The following NDOR1 variants were observed in gnomAD, a reference collection of about 807,000 sequenced individuals.
The protein encoded by NDOR1 is NADPH-dependent diflavin oxidoreductase 1.
Under a neutral mutation model 67.2 loss-of-function variants are expected in NDOR1, and 61 were observed. The ratio of observed to expected loss-of-function variants is 0.91; its 90% CI spans 0.74 to 1.12. NDOR1 has a LOEUF of 1.12. Among genes scored for constraint, NDOR1 ranks in the 50% most tolerant of loss-of-function variants. The pLI, the probability that NDOR1 is intolerant of heterozygous loss-of-function variation, is 0.00. For synonymous variants in NDOR1, 378 were observed against 343.7 expected, an observed-to-expected ratio of 1.10 and a Z score of -1.10; for missense variants, 878 against 802.8, an observed-to-expected ratio of 1.09 and a Z score of -1.13.
intron 2 of NDOR1, among the ~76,000 whole-genome samples, chr9:137,207,562 G>C (rs1229236772): frequency 6.6e-6 from 1 of 152,130 alleles, no homozygotes; most frequent in Admixed American, 6.5e-5. Context: ...AGGACAGGCT[G>C]CCCAGAACGT....
chr9:137,213,790 G>C lies in NDOR1; in HGVS notation c.322G>C (p.Val108Leu). ...TCACTGTCTCCACAGGTTCAACTTC[G>C]TGGCCAAGAAGCTGCACCGACGGCT... Reference protein sequence around the residue: ...GDSSYAKFNFVAKKLHRRLLQ... With the variant: ...GDSSYAKFNFLAKKLHRRLLQ... Residue 108 changes from valine (V) to leucine (L), a missense_variant, in exon 4 of 14, where the codon GTG becomes CTG. Coordinates refer to ENST00000684003, the MANE Select transcript of NDOR1 (RefSeq NM_014434.4). 6.2e-7 allele frequency: 1 copy of C among 1,612,566 alleles called. No homozygotes were observed. Among genetic ancestry groups the C allele is most frequent in the Non-Finnish European group, 8.5e-7 (1 of 1,179,572 alleles).
At chr9:137,208,525 A>G (rs1319620475) in intron 2 of NDOR1, among the ~76,000 whole-genome samples, 1 of 151,804 alleles carries the variant, frequency 6.6e-6, no homozygotes, top group East Asian at 2.0e-4. Context: ...CTAAAGAGTT[A>G]AAAAGAAGGA....
In NDOR1 at chr9:137,218,003, G is replaced by T. The variant is rs897400563; in HGVS notation, c.*1587G>T. The T allele has an allele frequency of 1.0e-5, 4 of 399,030 alleles. No individual in the cohort carries two copies. The Admixed American group carries it at 1.8e-4, about 18-fold the overall frequency. 24.7% of individuals were successfully genotyped at this position (399,030 alleles called of 1,614,324 possible). A position where few individuals can be genotyped will look rare whatever the true frequency, so the allele number is the denominator to read the frequency against. On this transcript the variant is annotated 3_prime_UTR_variant, in exon 14 of 14. Coordinates refer to ENST00000684003, the MANE Select transcript of NDOR1 (RefSeq NM_014434.4). The stretch of plus-strand genomic sequence containing the variant: ...CCTGCTGGGGGCCAAAGCCATGGAG[G>T]GTGCCTGGGCCCTTCCAACCTGGAA...
At position 137,217,791 on chromosome 9, in the gene NDOR1, G is replaced by A; in HGVS notation, c.*1375G>A. 1 of 395,940 alleles carries A rather than the reference G, an allele frequency of 2.5e-6. No homozygotes were observed. The highest frequency in any genetic ancestry group is 4.4e-6 in the Non-Finnish European group (1 of 225,008). 24.5% of individuals were successfully genotyped at this position (395,940 alleles called of 1,614,324 possible). On this transcript the variant is annotated 3_prime_UTR_variant, in exon 14 of 14. Coordinates refer to ENST00000684003, the MANE Select transcript of NDOR1 (RefSeq NM_014434.4). ...TCCTCCTATCCTGACTCCTGCCCCAGGGCCACCACCCCTGAACTGTGCCCT... is the reference window on the plus strand; with the variant it reads ...TCCTCCTATCCTGACTCCTGCCCCAAGGCCACCACCCCTGAACTGTGCCCT...
chr9:137,218,308 C>T lies in NDOR1; in HGVS notation c.*1892C>T. 2.5e-6 allele frequency: 1 copy of T among 398,338 alleles called. No individual in the cohort carries two copies. The highest frequency in any genetic ancestry group is 4.4e-6 in the Non-Finnish European group (1 of 225,830). 24.7% of individuals were successfully genotyped at this position (398,338 alleles called of 1,614,324 possible). On this transcript the variant is annotated 3_prime_UTR_variant, in exon 14 of 14. Coordinates refer to ENST00000684003, the MANE Select transcript of NDOR1 (RefSeq NM_014434.4). ...CCGACGGGCCCTCACGCCAGCCCCG[C>T]CGAGAGGCCCCTGCATCCTATCACC...
Position 137,216,002 on chromosome 9 carries a change from C to CT in NDOR1, c.1541dup (p.Ser515LeufsTer137), listed in dbSNP as rs1311891943. On this transcript the variant is annotated frameshift_variant, in exon 12 of 14. Coordinates refer to ENST00000684003, the MANE Select transcript of NDOR1 (RefSeq NM_014434.4). LOFTEE classifies it high-confidence loss of function. Reference sequence around the variant, plus strand: ...GGGACTGTCTGACCCTCATCCCTGCCTTCTCCCGGGAACAGGTGTGTATGC... The same window carrying CT: ...GGGACTGTCTGACCCTCATCCCTGCCTTTCTCCCGGGAACAGGTGTGTATGC... 6.2e-7 allele frequency: 1 copy of CT among 1,613,398 alleles called. No individual in the cohort carries two copies. The highest frequency in any genetic ancestry group is 8.5e-7 in the Non-Finnish European group (1 of 1,180,030).
At position 137,218,068 on chromosome 9, in the gene NDOR1, G is replaced by A. The variant is rs758750758; in HGVS notation, c.*1652G>A. 2 of 399,326 alleles carry A rather than the reference G, an allele frequency of 5.0e-6. No homozygotes were observed. Among genetic ancestry groups the A allele is most frequent in the African/African-American group, 2.1e-5 (1 of 48,670 alleles). 24.7% of individuals were successfully genotyped at this position (399,326 alleles called of 1,614,324 possible). A position where few individuals can be genotyped will look rare whatever the true frequency, so the allele number is the denominator to read the frequency against. ...AGCAGGCAGCAGGGCAGGGGGAAGA[G>A]GAGGAGTGCCCGATCTGCACAGAGC... On this transcript the variant is annotated 3_prime_UTR_variant, in exon 14 of 14. Transcript: ENST00000684003.
chr9:137,206,648 A>G (rs988840977), intron 2 of NDOR1, among the ~76,000 whole-genome samples: 1 of 152,278 alleles, frequency 6.6e-6, no homozygotes, highest in South Asian at 2.1e-4. Flanking sequence ...CACATATTCT[A>G]TTCTTGGCAC....
At chr9:137,214,121 G>C in intron 5 of NDOR1, 53 bp downstream of exon 5, 5 of 1,530,114 alleles carry the variant, frequency 3.3e-6, no homozygotes, top group Non-Finnish European at 4.4e-6. Flanking sequence ...ACCTGGCCTG[G>C]GGACCTCGCC....
In NDOR1 at chr9:137,212,920, A is replaced by G; in HGVS notation, c.311+321A>G. ...TTGACGACTTTGAGCCTGGAGGAGG[A>G]CCCCGTATGCTCCTGCCACCCCAGA... On this transcript the variant is annotated intron_variant, in intron 3 of 13. Coordinates refer to ENST00000684003, the MANE Select transcript of NDOR1 (RefSeq NM_014434.4). This position sits in a 1 kb window ranked among gnomAD's most constrained non-coding sequence, Gnocchi z 4.3. 3.0e-6 allele frequency: 1 copy of G among 336,038 alleles called. No individual in the cohort carries two copies. The highest frequency in any genetic ancestry group is 3.6e-5 in the South Asian group (1 of 27,564). The allele number at this position is 336,038 out of a possible 1,614,324, so 20.8% of individuals were successfully genotyped here.
rs200107927 is a variant in NDOR1, at chr9:137,216,423, C to A, written c.*7C>A. The A allele has an allele frequency of 5.0e-6, 8 of 1,596,444 alleles. No individual in the cohort carries two copies. The African/African-American group carries it at 6.7e-5, about 13-fold the overall frequency. ...GACAGAGACGTGGGCCTGAGGCCCG[C>A]GGCTGCCCGTGCCCCCTCTGACAGC... On this transcript the variant is annotated 3_prime_UTR_variant, in exon 14 of 14. Transcript: ENST00000684003.
rs1264762100 is a variant in NDOR1 at position 137,218,263 on chromosome 9, A to G, written c.*1847A>G. The G allele has an allele frequency of 5.0e-6, 2 of 398,148 alleles. No individual in the cohort carries two copies. Among genetic ancestry groups the G allele is most frequent in the Non-Finnish European group, 8.9e-6 (2 of 225,826 alleles). 24.7% of individuals were successfully genotyped at this position (398,148 alleles called of 1,614,324 possible). On this transcript the variant is annotated 3_prime_UTR_variant, in exon 14 of 14. Coordinates refer to ENST00000684003, the MANE Select transcript of NDOR1 (RefSeq NM_014434.4). ...TGCTGGAATGGGAGATCTGCCGGCT[A>G]CAGGAGGAGCTGCTACAGGCCGACG...
Position 137,215,975 on chromosome 9 carries a change from GC to G in NDOR1, c.1513del (p.Arg505GlyfsTer4). On this transcript the variant is annotated frameshift_variant, in exon 12 of 14. Transcript: ENST00000684003. LOFTEE classifies it high-confidence loss of function. ...WEAEWQELEK[R>X]DCLTLIPAFS... Reference sequence around the variant, plus strand: ...AGGCTGAGTGGCAGGAGCTGGAGAAGCGGGACTGTCTGACCCTCATCCCTGC... The same window carrying G: ...AGGCTGAGTGGCAGGAGCTGGAGAAGGGGACTGTCTGACCCTCATCCCTGC... 1 of 1,613,398 alleles carries G rather than the reference GC, an allele frequency of 6.2e-7. No homozygotes were observed. The highest frequency in any genetic ancestry group is 8.5e-7 in the Non-Finnish European group (1 of 1,180,000).
At chr9:137,206,922 G>A (rs998321099) in intron 2 of NDOR1, among the ~76,000 whole-genome samples, 1 of 152,184 alleles carries the variant, frequency 6.6e-6, no homozygotes, top group African/African-American at 2.4e-5. Context: ...AGGCACCGAG[G>A]AAGAAGGAGC....
intron 2 of NDOR1, among the ~76,000 whole-genome samples, chr9:137,210,218 C>A (rs139345628): frequency 6.6e-6 from 1 of 151,712 alleles, no homozygotes; most frequent in Non-Finnish European, 1.5e-5. Flanking sequence ...TTTTCTCTTT[C>A]TCTTTTTCTT....
rs201387449 is a variant in NDOR1, at chr9:137,212,648, A to G, written c.311+49A>G. On this transcript the variant is annotated intron_variant, in intron 3 of 13. Transcript: ENST00000684003. The surrounding 1 kb of genome is among the most constrained non-coding windows in gnomAD (Gnocchi z 4.3). ...GCGGACGGAACAGTTCTGGGGGTCGAGCAACAGGTGTGCTGGCAGAGGACC... is the reference window on the plus strand; with the variant it reads ...GCGGACGGAACAGTTCTGGGGGTCGGGCAACAGGTGTGCTGGCAGAGGACC... 6.5e-7 allele frequency: 1 copy of G among 1,538,184 alleles called. No individual in the cohort carries two copies. Among genetic ancestry groups the G allele is most frequent in the East Asian group, 2.3e-5 (1 of 44,428 alleles).
Position 137,212,915 on chromosome 9 carries a change from G to A in NDOR1, c.311+316G>A, listed in dbSNP as rs1054225479. ...AAGTGTTGACGACTTTGAGCCTGGA[G>A]GAGGACCCCGTATGCTCCTGCCACC... On this transcript the variant is annotated intron_variant, in intron 3 of 13. Coordinates refer to ENST00000684003, the MANE Select transcript of NDOR1 (RefSeq NM_014434.4). The surrounding 1 kb of genome is among the most constrained non-coding windows in gnomAD (Gnocchi z 4.3). 2.8e-6 allele frequency: 1 copy of A among 355,214 alleles called. No individual in the cohort carries two copies. Among genetic ancestry groups the A allele is most frequent in the African/African-American group, 2.1e-5 (1 of 48,392 alleles). The allele number at this position is 355,214 out of a possible 1,614,324, so 22.0% of individuals were successfully genotyped here. A position where few individuals can be genotyped will look rare whatever the true frequency, so the allele number is the denominator to read the frequency against.
Position 137,214,252 on chromosome 9 carries a change from G to A in NDOR1, c.561G>A (p.Thr187=), listed in dbSNP as rs147626135. 5.7e-3 allele frequency: 9,255 copies of A among 1,613,306 alleles called. 45 individuals are homozygous for A. The highest frequency in any genetic ancestry group is 7.3e-3 in the Non-Finnish European group (8,629 of 1,179,984). The change falls in exon 6 of 14, where the codon ACG becomes ACA. Residue 187 remains threonine (T), a synonymous_variant. Transcript: ENST00000684003. ...TLLFLQEAPS[T]GSEGQRVAHP... ...TGTTCCTCCAAGAGGCACCCAGCAC[G>A]GGCTCTGAGGGGCAGCGGGTAGCTC...
chr9:137,209,604 G>A (rs1835151478), intron 2 of NDOR1, among the ~76,000 whole-genome samples: 1 of 152,182 alleles, frequency 6.6e-6, no homozygotes, highest in African/African-American at 2.4e-5. Flanking sequence ...GGCCTCAGAG[G>A]CAGGGGCGAG....
Sources: allele counts gnomAD v4.1 joint callset (sites outside exome capture counted in the v4.1 genomes callset), GRCh38; gene constraint gnomAD v4.1.1; non-coding constraint Gnocchi (gnomAD v3.1); transcripts MANE v1.5; gene names NCBI Gene and HGNC (gene_info 2026-07-23, HGNC 2026-07-21).